CYTH3: variants seen among roughly 807,000 people sequenced by gnomAD.
The protein encoded by CYTH3 is cytohesin 3, also known as cytohesin-3.
In CYTH3, 23 loss-of-function variants were observed where a neutral mutation model predicts 55.1. The observed-to-expected ratio is 0.42, with a 90% CI of 0.30 to 0.59. CYTH3 has a LOEUF of 0.59. Among genes scored for constraint, CYTH3 ranks in the 20% least tolerant of loss-of-function variants. The pLI is 0.20. For synonymous variants in CYTH3, 249 were observed against 194.9 expected, an observed-to-expected ratio of 1.28 and a Z score of -2.31; for missense variants, 413 against 524.8, an observed-to-expected ratio of 0.79 and a Z score of 2.08.
intron 1 of CYTH3, among the ~76,000 whole-genome samples, chr7:6,234,829 G>A (rs1287045358): frequency 2.0e-5 from 3 of 152,198 alleles, no homozygotes; most frequent in South Asian, 2.1e-4. Context: ...TGGACTTCCT[G>A]CTAATTGGTA....
intron 1 of CYTH3, among the ~76,000 whole-genome samples, chr7:6,238,451 G>C (rs575050713): frequency 6.6e-6 from 1 of 152,156 alleles, no homozygotes; most frequent in African/African-American, 2.4e-5. Flanking sequence ...ACTAATGAAA[G>C]TACTATGCTT....
intron 1 of CYTH3, among the ~76,000 whole-genome samples, chr7:6,269,588 A>AGTAGAGAC (rs3030435): frequency 0.7 from 106,120 of 151,522 alleles, 38,748 homozygotes; most frequent in African/African-American, 0.9. Context: ...CTACCCTCCA[A>AGTAGAGAC]TTAGCTCAAG....
At chr7:6,259,808 T>TATTATATATATATATA (rs1780292239) in intron 1 of CYTH3, among the ~76,000 whole-genome samples, 5 of 30,252 alleles carry the variant, frequency 1.7e-4, no homozygotes, top group Non-Finnish European at 2.3e-4. Context: ...TATATATATA[T>TATTATATATATATATA]ATATAATATA....
At chr7:6,247,606 C>A (rs1047586716) in intron 1 of CYTH3, among the ~76,000 whole-genome samples, 1 of 152,268 alleles carries the variant, frequency 6.6e-6, no homozygotes, top group African/African-American at 2.4e-5. Context: ...AATGCTTTTA[C>A]TGTCATTACA....
chr7:6,267,033 T>A (rs1780514280), intron 1 of CYTH3, among the ~76,000 whole-genome samples: 1 of 152,198 alleles, frequency 6.6e-6, no homozygotes, highest in Non-Finnish European at 1.5e-5. Flanking sequence ...GCCCTTGCAA[T>A]AGTGAGTGAG....
chr7:6,225,456 C>T (rs1291834421), intron 1 of CYTH3, among the ~76,000 whole-genome samples: 1 of 151,416 alleles, frequency 6.6e-6, no homozygotes, highest in Non-Finnish European at 1.5e-5. Context: ...CGGGTTCAAG[C>T]GATTCACCTG....
chr7:6,246,224 C>A (rs1444928551), intron 1 of CYTH3, among the ~76,000 whole-genome samples: 2 of 151,244 alleles, frequency 1.3e-5, no homozygotes, highest in Non-Finnish European at 2.9e-5. Flanking sequence ...TGCCACAACA[C>A]CTGGATAATT....
At chr7:6,189,268 G>T (rs1783737315) in intron 2 of CYTH3, among the ~76,000 whole-genome samples, 1 of 152,074 alleles carries the variant, frequency 6.6e-6, no homozygotes, top group African/African-American at 2.4e-5. Flanking sequence ...GTACACAAGT[G>T]TGGAAGAGCC....
At position 6,266,895 on chromosome 7, in the gene CYTH3, G is replaced by C. The variant is rs55921413; in HGVS notation, c.34+5579C>G. 2.2e-3 allele frequency among the ~76,000 whole-genome samples: 333 copies of C among 152,280 alleles called. 1 individual carries two copies. The highest frequency in any genetic ancestry group is 7.8e-3 in the African/African-American group (323 of 41,542). The stretch of plus-strand genomic sequence containing the variant: ...TTATCTGCCGTATTCACCACTGTTA[G>C]GCACTGATACAGTTTGGATATATGC... On this transcript the variant is annotated intron_variant, in intron 1 of 12. Coordinates refer to ENST00000350796, the MANE Select transcript of CYTH3 (RefSeq NM_004227.4).
intron 2 of CYTH3, among the ~76,000 whole-genome samples, chr7:6,188,138 G>C (rs567227763): frequency 6.6e-6 from 1 of 152,156 alleles, no homozygotes; most frequent in South Asian, 2.1e-4. Context: ...AACAGCCTGG[G>C]CAATGTAGCA....
chr7:6,269,541 G>A (rs556698823), intron 1 of CYTH3, among the ~76,000 whole-genome samples: 1 of 151,028 alleles, frequency 6.6e-6, no homozygotes, highest in Non-Finnish European at 1.5e-5. Flanking sequence ...TGCCCAAACA[G>A]GACACGAAGA....
chr7:6,255,413 GA>G (rs1014488576), intron 1 of CYTH3, among the ~76,000 whole-genome samples: 1 of 152,146 alleles, frequency 6.6e-6, no homozygotes, highest in African/African-American at 2.4e-5. Context: ...GAAAAGTTCT[GA>G]AATCCTAATT....
At chr7:6,252,084 T>C (rs886411165) in intron 1 of CYTH3, among the ~76,000 whole-genome samples, 1 of 152,208 alleles carries the variant, frequency 6.6e-6, no homozygotes, top group Non-Finnish European at 1.5e-5. Context: ...AAATCTTTTA[T>C]AGAAATTACA....
At position 6,170,814 on chromosome 7, in the gene CYTH3, G is replaced by T; in HGVS notation, c.711+16C>A. 6.2e-7 allele frequency: 1 copy of T among 1,604,864 alleles called. No individual in the cohort carries two copies. Among genetic ancestry groups the T allele is most frequent in the South Asian group, 1.1e-5 (1 of 90,520 alleles). On this transcript the variant is annotated intron_variant, in intron 8 of 12. Transcript: ENST00000350796. This position sits in a 1 kb window ranked among gnomAD's most constrained non-coding sequence, Gnocchi z 7.8. ...AGATCCTGCAGACGGCAGCGGCCGC[G>T]GGCCGGGGAGCTCACCCTCAGCAGC...
chr7:6,165,856 G>A (rs1175690771), intron 9 of CYTH3, 46 bp from the exon 10 acceptor site: 1 of 1,601,098 alleles, frequency 6.2e-7, no homozygotes, highest in Non-Finnish European at 8.6e-7. Flanking sequence ...TGCACAGGGA[G>A]CCCGCGGGTC....
Position 6,161,973 on chromosome 7 carries a change from T to C in CYTH3, c.*2971A>G, listed in dbSNP as rs1409369951. ...TCAACAGATGTACATTATTTACATATTACTATATTTACCGCAAATAGAAAT... is the reference window on the plus strand; with the variant it reads ...TCAACAGATGTACATTATTTACATACTACTATATTTACCGCAAATAGAAAT... On this transcript the variant is annotated 3_prime_UTR_variant, in exon 13 of 13. Coordinates refer to ENST00000350796, the MANE Select transcript of CYTH3 (RefSeq NM_004227.4). 1.3e-5 allele frequency: 2 copies of C among 152,612 alleles called. No homozygotes were observed. 9.5% of individuals were successfully genotyped at this position (152,612 alleles called of 1,614,324 possible).
intron 4 of CYTH3, among the ~76,000 whole-genome samples, chr7:6,180,269 T>A (rs1455741946): frequency 6.6e-6 from 1 of 152,218 alleles, no homozygotes; most frequent in Non-Finnish European, 1.5e-5. Flanking sequence ...TGCCTTCCTC[T>A]GGATGCTCAA....
intron 1 of CYTH3, among the ~76,000 whole-genome samples, chr7:6,267,587 T>C (rs917008143): frequency 2.0e-5 from 3 of 152,164 alleles, no homozygotes; most frequent in Admixed American, 1.3e-4. Flanking sequence ...GCAGTGGCGC[T>C]ATCTCGGCTC....
At chr7:6,230,577 A>C (rs1395402692) in intron 1 of CYTH3, among the ~76,000 whole-genome samples, 1 of 152,206 alleles carries the variant, frequency 6.6e-6, no homozygotes, top group African/African-American at 2.4e-5. Context: ...TTACACGGTG[A>C]AAAAAATGTA....
Sources: gnomAD v4.1 joint callset for allele counts (sites outside exome capture counted in the v4.1 genomes callset) on GRCh38, gnomAD v4.1.1 for gene constraint, Gnocchi (gnomAD v3.1) non-coding constraint, MANE v1.5 for transcripts, NCBI Gene and HGNC (gene_info 2026-07-23, HGNC 2026-07-21) for gene names.